Variants in AUTS2 observed in about 807,000 individuals in gnomAD.
The protein encoded by AUTS2 is autism susceptibility gene 2 protein.
Under a neutral mutation model 112.4 loss-of-function variants are expected in AUTS2, and 17 were observed. That is an observed-to-expected ratio of 0.15 (90% CI 0.10 to 0.23). The LOEUF (loss-of-function observed/expected upper bound fraction) is 0.23. AUTS2 is among the 10% of genes least tolerant of loss of function. The pLI is 1.00. For missense variants in AUTS2, 1,510 were observed against 1,701.6 expected, an observed-to-expected ratio of 0.89 and a Z score of 1.98; for synonymous variants, 751 against 702.7, an observed-to-expected ratio of 1.07 and a Z score of -1.09.
intron 6 of AUTS2, among the ~76,000 whole-genome samples, chr7:70,716,636 CAA>C (rs34972760): frequency 4.6e-5 from 3 of 64,944 alleles, no homozygotes; most frequent in South Asian, 7.0e-4. Context: ...GACTCCGTCT[CAA>C]AAAAAAAAAA....
In AUTS2 at chr7:69,968,847, AT is replaced by A. The variant is rs961357939; in HGVS notation, c.522+69359del. ...AACATTTTCAACTCCTTTTTACTGC[AT>A]TTTTTTTTTCTGTGTGGACTTGTTT... On this transcript the variant is annotated intron_variant, in intron 2 of 18. Transcript: ENST00000342771. Among the ~76,000 whole-genome samples the A allele has an allele frequency of 2.2e-3, 321 of 147,886 alleles. 1 individual carries two copies. The highest frequency in any genetic ancestry group is 7.5e-3 in the African/African-American group (305 of 40,398).
chr7:69,927,186 T>TTATATATA (rs67558137), intron 2 of AUTS2, among the ~76,000 whole-genome samples: 1,555 of 142,370 alleles, frequency 0.011, 15 homozygotes, highest in Middle Eastern at 0.032. Flanking sequence ...TCCAATATAT[T>TTATATATA]TATATATATA....
chr7:70,369,401 A>T (rs944749822), intron 4 of AUTS2, among the ~76,000 whole-genome samples: 1 of 152,096 alleles, frequency 6.6e-6, no homozygotes, highest in African/African-American at 2.4e-5. Flanking sequence ...TATGTCTTTT[A>T]TTGCCCTAAT....
Position 70,075,524 on chromosome 7 carries a change from A to G in AUTS2, c.523-42608A>G, listed in dbSNP as rs980126. ...AAAATATACTGTAGATTCATTACTA[A>G]AAGGCATTATCTATTCAGTATCCTT... On this transcript the variant is annotated intron_variant, in intron 2 of 18. Transcript: ENST00000342771. 2.5e-3 allele frequency among the ~76,000 whole-genome samples: 375 copies of G among 152,338 alleles called. 2 individuals are homozygous for G. Among genetic ancestry groups the G allele is most frequent in the African/African-American group, 8.3e-3 (345 of 41,576 alleles).
At chr7:70,727,596 C>A (rs1371106034) in intron 6 of AUTS2, among the ~76,000 whole-genome samples, 2 of 152,174 alleles carry the variant, frequency 1.3e-5, no homozygotes, top group Non-Finnish European at 2.9e-5. Context: ...GATCTGCCTG[C>A]CTCAGCCTCC....
intron 14 of AUTS2, among the ~76,000 whole-genome samples, chr7:70,779,428 T>A (rs549078033): frequency 6.6e-6 from 1 of 152,274 alleles, no homozygotes; most frequent in East Asian, 1.9e-4. Context: ...GTAATGAGGA[T>A]CAGTTGTGTG....
At chr7:69,942,521 C>A (rs1259375597) in intron 2 of AUTS2, among the ~76,000 whole-genome samples, 3 of 152,144 alleles carry the variant, frequency 2.0e-5, no homozygotes, top group Non-Finnish European at 4.4e-5. Flanking sequence ...ACTTGCCCTG[C>A]ATCTATGGTG....
intron 1 of AUTS2, among the ~76,000 whole-genome samples, chr7:69,817,326 C>G (rs536067975): frequency 6.6e-6 from 1 of 152,194 alleles, no homozygotes; most frequent in African/African-American, 2.4e-5. Flanking sequence ...TTGCCTCTAC[C>G]CCTATTTGGT....
chr7:70,192,323 T>C (rs1407703530), intron 4 of AUTS2, among the ~76,000 whole-genome samples: 3 of 152,220 alleles, frequency 2.0e-5, no homozygotes, highest in Non-Finnish European at 4.4e-5. Flanking sequence ...TATAAAACTT[T>C]CTAGGAAATT....
intron 5 of AUTS2, among the ~76,000 whole-genome samples, chr7:70,462,168 C>T (rs145825185): frequency 7.2e-4 from 109 of 152,196 alleles, no homozygotes; most frequent in African/African-American, 2.1e-3. Context: ...GGGAGAATCA[C>T]TTGAACCTGG....
At chr7:70,733,602 T>C (rs948868451) in intron 6 of AUTS2, among the ~76,000 whole-genome samples, 1 of 151,204 alleles carries the variant, frequency 6.6e-6, no homozygotes, top group East Asian at 2.0e-4. Flanking sequence ...TTTGGGTTTT[T>C]TTGAGACGGA....
chr7:69,743,901 A>G (rs1254786987), intron 1 of AUTS2, among the ~76,000 whole-genome samples: 1 of 152,078 alleles, frequency 6.6e-6, no homozygotes, highest in African/African-American at 2.4e-5. Context: ...GGCTCAAGCA[A>G]CTTCTCCCAT....
At chr7:70,489,200 TAAAG>T (rs1351507205) in intron 5 of AUTS2, among the ~76,000 whole-genome samples, 4 of 151,986 alleles carry the variant, frequency 2.6e-5, no homozygotes, top group Non-Finnish European at 5.9e-5. Flanking sequence ...TAGTACAAAT[TAAAG>T]AAAGTTATTG....
chr7:69,808,693 G>T (rs976868316), intron 1 of AUTS2, among the ~76,000 whole-genome samples: 2 of 152,106 alleles, frequency 1.3e-5, no homozygotes, highest in African/African-American at 4.8e-5. Context: ...TGCTCTCAGT[G>T]CATATAGCCC....
chr7:70,010,896 T>C (rs1799774145), intron 2 of AUTS2, among the ~76,000 whole-genome samples: 1 of 152,174 alleles, frequency 6.6e-6, no homozygotes. Flanking sequence ...AAGGAAAAGC[T>C]TGTAAGGGGA....
At chr7:70,567,489 C>T (rs1416109501) in intron 5 of AUTS2, among the ~76,000 whole-genome samples, 3 of 152,308 alleles carry the variant, frequency 2.0e-5, no homozygotes, top group Non-Finnish European at 4.4e-5. Flanking sequence ...CCCTGCTTTT[C>T]TGATCCATTA....
At chr7:69,745,007 G>A (rs1346493183) in intron 1 of AUTS2, among the ~76,000 whole-genome samples, 3 of 150,722 alleles carry the variant, frequency 2.0e-5, no homozygotes, top group African/African-American at 7.3e-5. Flanking sequence ...GCTGCTTCTT[G>A]AGAGGAGAGT....
At chr7:70,715,891 C>T (rs1245783665) in intron 6 of AUTS2, among the ~76,000 whole-genome samples, 1 of 152,122 alleles carries the variant, frequency 6.6e-6, no homozygotes, top group African/African-American at 2.4e-5. Context: ...TGAATTCTAC[C>T]CCTATCCTAC....
intron 2 of AUTS2, among the ~76,000 whole-genome samples, chr7:69,956,190 A>G (rs1257083206): frequency 6.6e-6 from 1 of 151,956 alleles, no homozygotes; most frequent in Non-Finnish European, 1.5e-5. Context: ...TTGTGCTGGC[A>G]TCTCATTCCA....
Sources: gnomAD v4.1 joint callset for allele counts (sites outside exome capture counted in the v4.1 genomes callset) on GRCh38, gnomAD v4.1.1 for gene constraint, MANE v1.5 for transcripts, NCBI Gene and HGNC (gene_info 2026-07-23, HGNC 2026-07-21) for gene names.